MTUS2: variants seen among roughly 807,000 people sequenced by gnomAD.
MTUS2 encodes the protein microtubule-associated tumor suppressor candidate 2.
Under a neutral mutation model 114.1 loss-of-function variants are expected in MTUS2, and 40 were observed. That is an observed-to-expected ratio of 0.35 (90% CI 0.27 to 0.46). MTUS2 has a LOEUF of 0.46. MTUS2 is among the 20% of genes least tolerant of loss of function. The pLI, the probability that MTUS2 is intolerant of heterozygous loss-of-function variation, is 1.00. For synonymous variants in MTUS2, 688 were observed against 672.0 expected (o/e 1.02, Z -0.37); for missense variants, 1,679 against 1,705.4 (o/e 0.98, Z 0.27).
rs116262600 is a variant in MTUS2, at chr13:29,483,306, C to T, written c.3399+2942C>T. ...TCACTTTACTCAAATTGGGACTCGC[C>T]GGCCGAGGCAGGCTGACCTCCGGCT... is the stretch of plus-strand genomic sequence containing the variant. On this transcript the variant is annotated intron_variant, in intron 10 of 15. Coordinates refer to ENST00000612955, the MANE Select transcript of MTUS2 (RefSeq NM_001033602.4). 6.5e-3 allele frequency among the ~76,000 whole-genome samples: 997 copies of T among 152,330 alleles called. 12 individuals carry two copies. Among genetic ancestry groups the T allele is most frequent in the African/African-American group, 0.023 (938 of 41,578 alleles).
intron 7 of MTUS2, among the ~76,000 whole-genome samples, chr13:29,352,038 A>G (rs534749688): frequency 2.6e-5 from 4 of 152,200 alleles, no homozygotes; most frequent in South Asian, 2.1e-4. Flanking sequence ...CCATCTGCCT[A>G]TTCTCTTTTT....
intron 2 of MTUS2, among the ~76,000 whole-genome samples, chr13:28,974,077 C>T (rs562481543): frequency 5.3e-5 from 8 of 152,252 alleles, no homozygotes; most frequent in African/African-American, 1.9e-4. Flanking sequence ...TTATACTGCC[C>T]TCTTTGTCTT....
intron 1 of MTUS2, among the ~76,000 whole-genome samples, chr13:28,832,853 A>T (rs1488837839): frequency 6.6e-6 from 1 of 151,806 alleles, no homozygotes; most frequent in Admixed American, 6.6e-5. Flanking sequence ...ACTAATAGAA[A>T]AAGAGAGAAG....
In MTUS2 at chr13:29,376,907, G is replaced by A. The variant is rs544125081; in HGVS notation, c.3117+17434G>A. 1.7e-4 allele frequency among the ~76,000 whole-genome samples: 26 copies of A among 152,152 alleles called. 2 individuals are homozygous for A. In the South Asian group the frequency reaches 3.9e-3, roughly 23 times the overall value. ...ACTGGCTTCAAATATAATGATATAC[G>A]TAAGTTCAAAGTGAAAGGATGGAAA... On this transcript the variant is annotated intron_variant, in intron 8 of 15. Transcript: ENST00000612955.
chr13:29,244,275 C>T (rs1280710416), intron 5 of MTUS2, among the ~76,000 whole-genome samples: 1 of 152,124 alleles, frequency 6.6e-6, no homozygotes, highest in East Asian at 1.9e-4. Context: ...CCTAAAAGGG[C>T]CATTTCCTCC....
chr13:28,969,435 T>A (rs1339851679), intron 2 of MTUS2, among the ~76,000 whole-genome samples: 1 of 152,168 alleles, frequency 6.6e-6, no homozygotes, highest in East Asian at 1.9e-4. Flanking sequence ...TCTAGTTATT[T>A]GAAACCATGA....
intron 8 of MTUS2, among the ~76,000 whole-genome samples, chr13:29,398,085 T>C (rs929802041): frequency 3.3e-5 from 5 of 152,196 alleles, no homozygotes; most frequent in African/African-American, 1.2e-4. Context: ...AATACACATA[T>C]CTGTTATATT....
chr13:28,899,785 A>G (rs575328517), intron 2 of MTUS2, among the ~76,000 whole-genome samples: 4 of 152,272 alleles, frequency 2.6e-5, no homozygotes, highest in African/African-American at 9.6e-5. Context: ...ATCGTCTTCT[A>G]CCACATGGCT....
intron 2 of MTUS2, among the ~76,000 whole-genome samples, chr13:28,961,978 G>A (rs202218531): frequency 1.3e-5 from 2 of 151,708 alleles, no homozygotes; most frequent in East Asian, 3.9e-4. Flanking sequence ...TAGGATTTTG[G>A]GAGTAGAATT....
chr13:28,843,076 A>C (rs947160385), intron 2 of MTUS2, among the ~76,000 whole-genome samples: 3 of 152,136 alleles, frequency 2.0e-5, no homozygotes, highest in African/African-American at 7.2e-5. Flanking sequence ...CTCAAATACT[A>C]TGCATTTTAG....
rs183698526 is a variant in MTUS2, at chr13:29,047,800, A to G, written c.2446+13675A>G. ...GCTGGGATTACAGGCGTGAGCCACC[A>G]CGCCTGGCCAGAATTTGCCCTTTCA... On this transcript the variant is annotated intron_variant, in intron 4 of 15. Coordinates refer to ENST00000612955, the MANE Select transcript of MTUS2 (RefSeq NM_001033602.4). Among the ~76,000 whole-genome samples, 323 of 152,134 alleles carry G rather than the reference A, an allele frequency of 2.1e-3. 1 individual carries two copies. Among genetic ancestry groups the G allele is most frequent in the Non-Finnish European group, 3.2e-3 (218 of 67,976 alleles).
chr13:29,259,981 GCCCGGTGACCATGGAA>G (rs1423590572), intron 5 of MTUS2, among the ~76,000 whole-genome samples: 1 of 152,216 alleles, frequency 6.6e-6, no homozygotes, highest in Non-Finnish European at 1.5e-5. Flanking sequence ...CTGCCATGGT[GCCCGGTGACCATGGAA>G]CCCAGTGACC....
chr13:29,434,361 T>G (rs1877257313), intron 8 of MTUS2, among the ~76,000 whole-genome samples: 1 of 152,132 alleles, frequency 6.6e-6, no homozygotes, highest in African/African-American at 2.4e-5. Flanking sequence ...ATGCTGCTGC[T>G]CTCAGTTTAA....
rs187415136 is a variant in MTUS2, at chr13:29,152,983, T to C, written c.2644+52013T>C. Among the ~76,000 whole-genome samples, 407 of 152,252 alleles carry C rather than the reference T, an allele frequency of 2.7e-3. 2 individuals are homozygous for C. The highest frequency in any genetic ancestry group is 8.9e-3 in the South Asian group (43 of 4,820). ...TTTCTATTTTCTTTTCTGGGAGGCT[T>C]AATGTGTGAAAGGAAAGTACTTGAT... is the stretch of plus-strand genomic sequence containing the variant. On this transcript the variant is annotated intron_variant, in intron 5 of 15. Coordinates refer to ENST00000612955, the MANE Select transcript of MTUS2 (RefSeq NM_001033602.4).
At chr13:28,960,891 A>G (rs1883296489) in intron 2 of MTUS2, among the ~76,000 whole-genome samples, 1 of 152,192 alleles carries the variant, frequency 6.6e-6, no homozygotes, top group East Asian at 1.9e-4. Flanking sequence ...AATGTTTCAA[A>G]AGGAAATTAC....
intron 5 of MTUS2, among the ~76,000 whole-genome samples, chr13:29,210,745 G>T (rs1359088370): frequency 6.6e-6 from 1 of 152,180 alleles, no homozygotes; most frequent in African/African-American, 2.4e-5. Flanking sequence ...GCTGGTACTA[G>T]GGAGTTTCTG....
chr13:29,178,795 G>A (rs1893880634), intron 5 of MTUS2, among the ~76,000 whole-genome samples: 2 of 152,166 alleles, frequency 1.3e-5, no homozygotes, highest in South Asian at 2.1e-4. Flanking sequence ...TTGTGAGAGT[G>A]TTGTGGACTT....
intron 9 of MTUS2, among the ~76,000 whole-genome samples, chr13:29,465,764 G>A (rs1879842988): frequency 6.6e-6 from 1 of 152,162 alleles, no homozygotes; most frequent in Admixed American, 6.5e-5. Context: ...GGGGCTTCGT[G>A]AACATAAATA....
chr13:29,290,949 G>A (rs1898686568), intron 6 of MTUS2, among the ~76,000 whole-genome samples: 1 of 152,202 alleles, frequency 6.6e-6, no homozygotes, highest in Admixed American at 6.5e-5. Context: ...TGATTTGAGA[G>A]CACTTGCCAC....
Sources: allele counts gnomAD v4.1 joint callset (sites outside exome capture counted in the v4.1 genomes callset), GRCh38; gene constraint gnomAD v4.1.1; transcripts MANE v1.5; gene names NCBI Gene and HGNC (gene_info 2026-07-23, HGNC 2026-07-21).